GLYR1: variants seen among roughly 807,000 people sequenced by gnomAD.
The protein encoded by GLYR1 is glyoxylate reductase 1 homolog, also known as cytokine-like nuclear factor N-PAC.
GLYR1 carries 21 observed loss-of-function variants against 72.7 expected under a neutral mutation model. That is an observed-to-expected ratio of 0.29 (90% CI 0.20 to 0.42). The LOEUF (loss-of-function observed/expected upper bound fraction) is 0.42. Ranked by LOEUF, GLYR1 falls within the 10% of genes least tolerant of loss-of-function variation. The pLI is 1.00. For synonymous variants in GLYR1, 392 were observed against 270.2 expected (o/e 1.45, Z -4.42); for missense variants, 594 against 712.1 (o/e 0.83, Z 1.89).
chr16:4,846,925 A>G (rs2142073105), intron 1 of GLYR1: 1 of 453,924 alleles, frequency 2.2e-6, no homozygotes, highest in South Asian at 2.9e-5. Context: ...TCGTCCGGGG[A>G]AGCCTCGCGG....
intron 15 of GLYR1, 71 bp downstream of exon 15, chr16:4,811,099 C>T (rs1423400710): frequency 9.6e-6 from 14 of 1,464,810 alleles, no homozygotes; most frequent in African/African-American, 5.8e-5. Context: ...AGTGAGACTC[C>T]GTTAAAAAAA....
chr16:4,840,587 A>T lies in GLYR1; in HGVS notation c.155+4487T>A, dbSNP rs140911169. Among the ~76,000 whole-genome samples, 1,197 of 152,062 alleles carry T rather than the reference A, an allele frequency of 7.9e-3. 14 individuals are homozygous for T. Among genetic ancestry groups the T allele is most frequent in the African/African-American group, 0.028 (1,147 of 41,452 alleles). On this transcript the variant is annotated intron_variant, in intron 3 of 15. Coordinates refer to ENST00000321919, the MANE Select transcript of GLYR1 (RefSeq NM_032569.4). The stretch of plus-strand genomic sequence containing the variant: ...CATAGGGAGAGTCTCCATCTCTCTC[A>T]GTTTTCCATACTTAAAGGCATCCTG...
chr16:4,809,228 T>C (rs2083184678), intron 15 of GLYR1, among the ~76,000 whole-genome samples: 1 of 144,440 alleles, frequency 6.9e-6, no homozygotes, highest in Non-Finnish European at 1.5e-5. Flanking sequence ...CTCACTCTGT[T>C]GCCCAGGCTG....
intron 3 of GLYR1, chr16:4,843,610 C>G (rs1200323079): frequency 4.7e-6 from 6 of 1,288,998 alleles, no homozygotes; most frequent in Non-Finnish European, 6.1e-6. Flanking sequence ...TATCTGTAAA[C>G]ATGAAACCAG....
At position 4,847,059 on chromosome 16, in the gene GLYR1, C is replaced by CT. The variant is rs766651564; in HGVS notation, c.38+168dup. The CT allele has an allele frequency of 1.3e-3, 850 of 640,418 alleles. 1 individual carries two copies. The highest frequency in any genetic ancestry group is 2.0e-3 in the Admixed American group (73 of 35,892). 39.7% of individuals were successfully genotyped at this position (640,418 alleles called of 1,614,324 possible). On this transcript the variant is annotated intron_variant, in intron 1 of 15. Transcript: ENST00000321919. The stretch of plus-strand genomic sequence containing the variant: ...CACCCTCGGCCTCGGTCCCCCGGGA[C>CT]TGGACTGCCCCTTCCGCCTGGCGCC...
chr16:4,846,344 G>A (rs920154816), intron 1 of GLYR1, 134 bp from the exon 2 acceptor site: 7 of 946,498 alleles, frequency 7.4e-6, no homozygotes, highest in African/African-American at 4.9e-5. Flanking sequence ...TTTCATAGCT[G>A]GGCCCAACAC....
intron 5 of GLYR1, among the ~76,000 whole-genome samples, chr16:4,829,980 T>A (rs935195956): frequency 6.6e-6 from 1 of 151,314 alleles, no homozygotes; most frequent in South Asian, 2.1e-4. Context: ...GCAAAAAAAA[T>A]TTTAATAGAG....
At chr16:4,805,802 C>T (rs1425697162) in intron 15 of GLYR1, among the ~76,000 whole-genome samples, 1 of 151,772 alleles carries the variant, frequency 6.6e-6, no homozygotes, top group African/African-American at 2.4e-5. Flanking sequence ...GTCGTGAAAC[C>T]CCTTCTTTAA....
chr16:4,804,779 A>G lies in GLYR1; in HGVS notation c.*457T>C. 5.1e-6 allele frequency: 1 copy of G among 195,132 alleles called. No homozygotes were observed. Among genetic ancestry groups the G allele is most frequent in the Non-Finnish European group, 1.1e-5 (1 of 91,920 alleles). The allele number at this position is 195,132 out of a possible 1,614,324, so 12.1% of individuals were successfully genotyped here. A position where few individuals can be genotyped will look rare whatever the true frequency, so the allele number is the denominator to read the frequency against. ...TCCAGTGGGGGATGGGGACATGACTACAGCCTCTTCGCTCTGGGGGAAGCT... is the reference window on the plus strand; with the variant it reads ...TCCAGTGGGGGATGGGGACATGACTGCAGCCTCTTCGCTCTGGGGGAAGCT... On this transcript the variant is annotated 3_prime_UTR_variant, in exon 16 of 16. Coordinates refer to ENST00000321919, the MANE Select transcript of GLYR1 (RefSeq NM_032569.4).
intron 3 of GLYR1, among the ~76,000 whole-genome samples, chr16:4,843,076 A>T (rs73517024): frequency 0.018 from 2,807 of 152,290 alleles, 83 homozygotes; most frequent in African/African-American, 0.063. Flanking sequence ...GGGAACTATA[A>T]TACTTGCTTT....
Position 4,811,164 on chromosome 16 carries a change from C to T in GLYR1, c.1587+6G>A. 1.9e-6 allele frequency: 3 copies of T among 1,613,338 alleles called. No homozygotes were observed. The South Asian group carries it at 3.3e-5, about 18-fold the overall frequency. ...GGCCTTGGGGCTTGGGCCACATCTA[C>T]CCTACCTCATTTGCTGCAGCTGCCA... On this transcript the variant is annotated splice_donor_region_variant and intron_variant, in intron 15 of 15. Coordinates refer to ENST00000321919, the MANE Select transcript of GLYR1 (RefSeq NM_032569.4).
chr16:4,826,865 G>C (rs1352014420), intron 5 of GLYR1, among the ~76,000 whole-genome samples: 1 of 152,198 alleles, frequency 6.6e-6, no homozygotes, highest in Non-Finnish European at 1.5e-5. Context: ...ACTCACCTAA[G>C]GCCACAATGA....
intron 10 of GLYR1, 135 bp from the exon 11 acceptor site, chr16:4,814,782 G>C (rs2083532249): frequency 4.4e-6 from 3 of 679,968 alleles, no homozygotes; most frequent in Non-Finnish European, 7.7e-6. Context: ...CTGGGTCATG[G>C]AGATAGGAGC....
chr16:4,832,765 G>A lies in GLYR1; in HGVS notation c.294+9C>T. The A allele has an allele frequency of 6.2e-7, 1 of 1,602,146 alleles. No homozygotes were observed. Among genetic ancestry groups the A allele is most frequent in the Non-Finnish European group, 8.5e-7 (1 of 1,173,688 alleles). On this transcript the variant is annotated intron_variant, in intron 4 of 15. Coordinates refer to ENST00000321919, the MANE Select transcript of GLYR1 (RefSeq NM_032569.4). The stretch of plus-strand genomic sequence containing the variant: ...GGCATTGGTAGAAAGTGAACATTGT[G>A]TCTCTCACCTGGTCTTTCCCTTTGG...
chr16:4,842,974 A>G (rs372916676), intron 3 of GLYR1, among the ~76,000 whole-genome samples: 16 of 152,050 alleles, frequency 1.1e-4, no homozygotes, highest in African/African-American at 3.9e-4. Context: ...TGCTGGGGTT[A>G]CAGGCATGAG....
rs1555493537 is a variant in GLYR1 at position 4,804,940 on chromosome 16, T to TGTGTGTGC, written c.*295_*296insGCACACAC. The TGTGTGTGC allele has an allele frequency of 6.9e-6, 3 of 432,118 alleles. No homozygotes were observed. Among genetic ancestry groups the TGTGTGTGC allele is most frequent in the Non-Finnish European group, 1.3e-5 (3 of 236,176 alleles). 26.8% of individuals were successfully genotyped at this position (432,118 alleles called of 1,614,324 possible). On this transcript the variant is annotated 3_prime_UTR_variant, in exon 16 of 16. Coordinates refer to ENST00000321919, the MANE Select transcript of GLYR1 (RefSeq NM_032569.4). Reference sequence around the variant, plus strand: ...CTATCCTGGGGCGAGAGCCTGTGTGTGTGTGTGTGTGTGTGTGTGTGTGTG... The same window carrying TGTGTGTGC: ...CTATCCTGGGGCGAGAGCCTGTGTGTGTGTGTGCGTGTGTGTGTGTGTGTGTGTGTGTG...
intron 10 of GLYR1, 84 bp downstream of exon 10, chr16:4,817,514 C>T (rs112542047): frequency 4.1e-5 from 33 of 810,030 alleles, no homozygotes; most frequent in South Asian, 5.9e-5. Flanking sequence ...GCACGCAGAA[C>T]GCTGAGACAA....
rs1567624263 is a variant in GLYR1 at position 4,804,970 on chromosome 16, T to TGTGTGTGTGTGTGTGTGTGA, written c.*265_*266insTCACACACACACACACACAC. ...GTGTGTGTGTGTGTGTGTGTGTGTG[T>TGTGTGTGTGTGTGTGTGTGA]GAACACACAGCCACCTCGTCCGGGG... On this transcript the variant is annotated 3_prime_UTR_variant, in exon 16 of 16. Coordinates refer to ENST00000321919, the MANE Select transcript of GLYR1 (RefSeq NM_032569.4). 5.7e-6 allele frequency: 3 copies of TGTGTGTGTGTGTGTGTGTGA among 526,186 alleles called. No individual in the cohort carries two copies. The highest frequency in any genetic ancestry group is 1.0e-5 in the Non-Finnish European group (3 of 288,832). 32.6% of individuals were successfully genotyped at this position (526,186 alleles called of 1,614,324 possible). A position where few individuals can be genotyped will look rare whatever the true frequency, so the allele number is the denominator to read the frequency against.
intron 7 of GLYR1, 22 bp from the exon 8 acceptor site, chr16:4,821,619 GACT>G: frequency 1.9e-6 from 3 of 1,611,160 alleles, no homozygotes; most frequent in Non-Finnish European, 2.5e-6. Flanking sequence ...GGAGGAAAGA[GACT>G]ACTTGTGCTA....
Sources: allele counts gnomAD v4.1 joint callset (sites outside exome capture counted in the v4.1 genomes callset), GRCh38; gene constraint gnomAD v4.1.1; transcripts MANE v1.5; gene names NCBI Gene and HGNC (gene_info 2026-07-23, HGNC 2026-07-21).